NCKAP5: variants seen among roughly 807,000 people sequenced by gnomAD.
NCKAP5 encodes nck-associated protein 5.
In NCKAP5, 92 loss-of-function variants were observed where a neutral mutation model predicts 167.0. The observed-to-expected ratio is 0.55, with a 90% confidence interval of 0.47 to 0.66. The LOEUF is 0.66. NCKAP5 is among the 30% of genes least tolerant of loss of function. The probability of loss-of-function intolerance (pLI) is 0.00; values close to 1 mark genes in which losing one functional copy is unlikely to be tolerated. For missense variants in NCKAP5, 2,378 were observed against 2,315.0 expected (o/e 1.03, Z -0.56); for synonymous variants, 891 against 877.4 (o/e 1.02, Z -0.27).
At chr2:133,615,048 T>A in the NCKAP5 span, among the ~76,000 whole-genome samples, 1 of 150,786 alleles carries the variant, frequency 6.6e-6, no homozygotes, top group African/African-American at 2.4e-5. Context: ...CCAGCCAAAC[T>A]AAGCTTCATA....
intron 4 of NCKAP5, among the ~76,000 whole-genome samples, chr2:133,214,588 CAA>C (rs1233168209): frequency 6.6e-6 from 1 of 151,980 alleles, no homozygotes; most frequent in Non-Finnish European, 1.5e-5. Context: ...CAATATTCAC[CAA>C]AATTTTTAGA....
At chr2:133,618,228 C>G in the NCKAP5 span, among the ~76,000 whole-genome samples, 10 of 151,832 alleles carry the variant, frequency 6.6e-5, no homozygotes, top group African/African-American at 1.5e-4. Flanking sequence ...CATTACCATT[C>G]AGGACATAGG....
At chr2:132,788,789 A>G (rs1002438416) in intron 13 of NCKAP5, among the ~76,000 whole-genome samples, 1 of 152,228 alleles carries the variant, frequency 6.6e-6, no homozygotes, top group Admixed American at 6.5e-5. Flanking sequence ...TATAATTAAT[A>G]TTCAAATTCA....
At chr2:133,606,672 G>A in the NCKAP5 span, among the ~76,000 whole-genome samples, 1 of 148,398 alleles carries the variant, frequency 6.7e-6, no homozygotes, top group African/African-American at 2.6e-5. Flanking sequence ...AGTTTCCCAG[G>A]AGATCCTGAT....
At chr2:132,989,057 A>C (rs1437898) in intron 7 of NCKAP5, among the ~76,000 whole-genome samples, 85,414 of 152,026 alleles carry the variant, frequency 0.56, 24,543 homozygotes, top group South Asian at 0.63. Context: ...GATTCAATTC[A>C]TATTCCATAC....
chr2:133,197,015 T>C (rs2085465532), intron 5 of NCKAP5, among the ~76,000 whole-genome samples: 1 of 152,148 alleles, frequency 6.6e-6, no homozygotes, highest in African/African-American at 2.4e-5. Flanking sequence ...CCCCTCTCTA[T>C]CTTCTGACTG....
intron 3 of NCKAP5, among the ~76,000 whole-genome samples, chr2:133,474,112 ATATCTATCTATC>A (rs10668136): frequency 8.0e-5 from 11 of 137,858 alleles, no homozygotes; most frequent in South Asian, 7.2e-4. Context: ...AGAAAATGTG[ATATCTATCTATC>A]TATCTATCTA....
intron 3 of NCKAP5, among the ~76,000 whole-genome samples, chr2:133,386,688 T>C (rs1285241746): frequency 6.6e-6 from 1 of 152,228 alleles, no homozygotes; most frequent in Non-Finnish European, 1.5e-5. Flanking sequence ...AGTCTAAGTC[T>C]CTTTGTAGGT....
intron 11 of NCKAP5, among the ~76,000 whole-genome samples, chr2:132,845,183 G>A (rs1688572032): frequency 6.6e-6 from 1 of 152,128 alleles, no homozygotes; most frequent in African/African-American, 2.4e-5. Context: ...TCTAATTCAT[G>A]GAATTACATG....
intron 4 of NCKAP5, among the ~76,000 whole-genome samples, chr2:133,236,947 C>T (rs1483588017): frequency 2.0e-5 from 3 of 152,004 alleles, no homozygotes; most frequent in Non-Finnish European, 4.4e-5. Context: ...TCTCTCCTCT[C>T]CATGTCAAGT....
At chr2:133,366,546 C>A (rs989444617) in intron 3 of NCKAP5, among the ~76,000 whole-genome samples, 4 of 152,144 alleles carry the variant, frequency 2.6e-5, no homozygotes, top group Non-Finnish European at 4.4e-5. Flanking sequence ...AAGTGATCCA[C>A]CAGCCTCAGC....
chr2:133,249,482 C>T (rs1317904604), intron 4 of NCKAP5, among the ~76,000 whole-genome samples: 2 of 152,170 alleles, frequency 1.3e-5, no homozygotes, highest in African/African-American at 4.8e-5. Flanking sequence ...TGAGATAATA[C>T]ATTTCTTTTG....
intron 19 of NCKAP5, among the ~76,000 whole-genome samples, chr2:132,710,937 C>T (rs1006787): frequency 0.39 from 58,694 of 151,938 alleles, 13,297 homozygotes; most frequent in East Asian, 0.54. Context: ...AATATTGTTT[C>T]GCTTATGCTT....
At chr2:132,862,780 C>A (rs10432342) in intron 10 of NCKAP5, among the ~76,000 whole-genome samples, 44,287 of 100,350 alleles carry the variant, frequency 0.44, 6,835 homozygotes, top group East Asian at 0.58. Flanking sequence ...AAAAAAAAAC[C>A]AAAAAAAAAC....
chr2:133,538,990 G>A (rs1219959873), intron 2 of NCKAP5, among the ~76,000 whole-genome samples: 1 of 141,492 alleles, frequency 7.1e-6, no homozygotes, highest in Non-Finnish European at 1.5e-5. Context: ...GCCCAGGCTG[G>A]AGTGCAGTGG....
chr2:133,584,411 G>A, the NCKAP5 span, among the ~76,000 whole-genome samples: 4 of 152,132 alleles, frequency 2.6e-5, no homozygotes, highest in African/African-American at 7.2e-5. Flanking sequence ...TCAAATCAGG[G>A]CACATTTGTA....
At chr2:133,583,097 G>A in the NCKAP5 span, among the ~76,000 whole-genome samples, 1 of 151,192 alleles carries the variant, frequency 6.6e-6, no homozygotes, top group Non-Finnish European at 1.5e-5. Flanking sequence ...TTGATCAAAA[G>A]GAAATAAATA....
chr2:133,468,280 T>C (rs1001326070), intron 3 of NCKAP5, among the ~76,000 whole-genome samples: 1 of 141,874 alleles, frequency 7.0e-6, no homozygotes, highest in African/African-American at 2.7e-5. Context: ...CCAGTAGTCA[T>C]TCAGGAGCAG....
intron 3 of NCKAP5, among the ~76,000 whole-genome samples, chr2:133,439,329 T>C (rs373915493): frequency 6.6e-6 from 1 of 152,228 alleles, no homozygotes; most frequent in East Asian, 1.9e-4. Flanking sequence ...TGGGACCAGA[T>C]TGAATCATAT....
Sources: gnomAD v4.1 joint callset for allele counts (sites outside exome capture counted in the v4.1 genomes callset) on GRCh38, gnomAD v4.1.1 for gene constraint, MANE v1.5 for transcripts, NCBI Gene and HGNC (gene_info 2026-07-23, HGNC 2026-07-21) for gene names.